SLC1A6: variants seen among roughly 807,000 people sequenced by gnomAD.
SLC1A6 encodes the protein solute carrier family 1 member 6.
In SLC1A6, 15 loss-of-function variants were observed where a neutral mutation model predicts 42.1. That is an observed-to-expected ratio of 0.36 (90% CI 0.24 to 0.55). The LOEUF (loss-of-function observed/expected upper bound fraction) is 0.55. Among genes scored for constraint, SLC1A6 ranks in the 20% least tolerant of loss-of-function variants. The probability of loss-of-function intolerance (pLI) is 0.88; values close to 1 mark genes in which losing one functional copy is unlikely to be tolerated. For missense variants in SLC1A6, 542 were observed against 772.5 expected (o/e 0.70, Z 3.54); for synonymous variants, 317 against 319.7 (o/e 0.99, Z 0.09).
In SLC1A6 at chr19:14,962,166, T is replaced by G. The variant is rs1599992049; in HGVS notation, c.771A>C (p.Val257=). The change falls in exon 6 of 10, where the codon GTA becomes GTC. Residue 257 remains valine, a synonymous_variant. Coordinates refer to ENST00000594383, the MANE Select transcript of SLC1A6 (RefSeq NM_005071.3). ...TGCCATTGGCGGAGCCAGGCACGGGTACAGTCTCCTCAAAGCTCAGCATCT... is the reference window on the plus strand; with the variant it reads ...TGCCATTGGCGGAGCCAGGCACGGGGACAGTCTCCTCAAAGCTCAGCATCT... ...LQEMLSFEET[V]PVPGSANGIN... 4.3e-6 allele frequency: 7 copies of G among 1,614,066 alleles called. No individual in the cohort carries two copies. Among genetic ancestry groups the G allele is most frequent in the Non-Finnish European group, 4.2e-6 (5 of 1,180,012 alleles).
chr19:15,008,794 G>A (rs1241090194), intron 1 of SLC1A6, among the ~76,000 whole-genome samples: 2 of 151,480 alleles, frequency 1.3e-5, no homozygotes, highest in Non-Finnish European at 2.9e-5. Context: ...AACCAACCTG[G>A]GTAACATGGC....
intron 3 of SLC1A6, among the ~76,000 whole-genome samples, chr19:14,971,056 G>A (rs1048866852): frequency 2.0e-5 from 3 of 152,112 alleles, no homozygotes; most frequent in Admixed American, 6.5e-5. Flanking sequence ...CTTGAACCTG[G>A]GAGGTGGAGA....
At chr19:14,975,623 A>T (rs1458703227) in intron 1 of SLC1A6, among the ~76,000 whole-genome samples, 1 of 151,690 alleles carries the variant, frequency 6.6e-6, no homozygotes, top group African/African-American at 2.4e-5. Context: ...GATGTGTCAC[A>T]CGCCTGTAAT....
intron 6 of SLC1A6, among the ~76,000 whole-genome samples, chr19:14,960,690 T>G (rs1478129443): frequency 6.6e-6 from 1 of 152,100 alleles, no homozygotes; most frequent in Admixed American, 6.6e-5. Flanking sequence ...AAATACCACA[T>G]GATCTCACTT....
At chr19:15,002,192 C>G (rs1208514414) in intron 1 of SLC1A6, among the ~76,000 whole-genome samples, 1 of 152,102 alleles carries the variant, frequency 6.6e-6, no homozygotes, top group Admixed American at 6.6e-5. Context: ...TGGGCTCAAG[C>G]GATCCTCCCA....
intron 7 of SLC1A6, among the ~76,000 whole-genome samples, chr19:14,955,867 G>A (rs4393693): frequency 0.55 from 82,579 of 151,368 alleles, 22,721 homozygotes; most frequent in South Asian, 0.67. Flanking sequence ...CCTAAGAGGC[G>A]GAGCTTGCAG....
chr19:14,959,490 AAATTT>A (rs2045490341), intron 6 of SLC1A6, among the ~76,000 whole-genome samples: 1 of 152,240 alleles, frequency 6.6e-6, no homozygotes. Flanking sequence ...TGAGATAATT[AAATTT>A]ATGTTTGAGT....
At chr19:14,999,889 C>T (rs1204698753) in intron 1 of SLC1A6, among the ~76,000 whole-genome samples, 1 of 152,056 alleles carries the variant, frequency 6.6e-6, no homozygotes, top group Non-Finnish European at 1.5e-5. Context: ...TACATGTGCA[C>T]AACATGCTGG....
At chr19:14,995,441 TTGA>T (rs2045841550) in intron 1 of SLC1A6, among the ~76,000 whole-genome samples, 3 of 150,392 alleles carry the variant, frequency 2.0e-5, no homozygotes, top group South Asian at 2.1e-4. Context: ...CCTTGGGTGG[TTGA>T]GGAGATGTTG....
chr19:14,993,458 A>T (rs1230408374), intron 1 of SLC1A6, among the ~76,000 whole-genome samples: 1 of 152,134 alleles, frequency 6.6e-6, no homozygotes, highest in Non-Finnish European at 1.5e-5. Flanking sequence ...TTTATAATTT[A>T]AAAAAATCAA....
chr19:14,991,870 C>T (rs1036367468), intron 1 of SLC1A6, among the ~76,000 whole-genome samples: 2 of 149,810 alleles, frequency 1.3e-5, no homozygotes, highest in African/African-American at 4.9e-5. Flanking sequence ...GGGAGTCTTG[C>T]TCTGTCACGC....
chr19:14,986,150 T>C (rs2045791564), intron 1 of SLC1A6, among the ~76,000 whole-genome samples: 1 of 151,488 alleles, frequency 6.6e-6, no homozygotes, highest in African/African-American at 2.4e-5. Flanking sequence ...CTTCTGTGTG[T>C]AGAAAAATTT....
At chr19:15,005,089 T>C (rs1424792172) in intron 1 of SLC1A6, among the ~76,000 whole-genome samples, 1 of 151,960 alleles carries the variant, frequency 6.6e-6, no homozygotes, top group African/African-American at 2.4e-5. Flanking sequence ...CAAGATCGTG[T>C]CTCTACAAAA....
intron 8 of SLC1A6, 114 bp downstream of exon 8, chr19:14,954,021 C>T (rs2045437445): frequency 6.7e-6 from 6 of 898,500 alleles, no homozygotes; most frequent in Admixed American, 5.1e-5. Context: ...TTCCAACATC[C>T]GTGGGCTCCT....
rs34189680 is a variant in SLC1A6, at chr19:14,986,101, A to AT, written c.7-13185dup. Among the ~76,000 whole-genome samples, 450 of 145,908 alleles carry AT rather than the reference A, an allele frequency of 3.1e-3. 2 individuals are homozygous for AT. Among genetic ancestry groups the AT allele is most frequent in the African/African-American group, 6.9e-3 (274 of 39,692 alleles). ...AATTCAAACACTCACACAAGCAGTA[A>AT]TTTTTTTTTTTTTTGTCTTGGAGAC... On this transcript the variant is annotated intron_variant, in intron 1 of 8. Coordinates refer to the SLC1A6 transcript ENST00000430939.
At chr19:14,983,951 A>G (rs2045780566), upstream of SLC1A6, among the ~76,000 whole-genome samples, 1 of 152,134 alleles carries the variant, frequency 6.6e-6, no homozygotes, top group African/African-American at 2.4e-5. Flanking sequence ...AGGTGCTTAC[A>G]GAAACTAAAT....
In SLC1A6 at chr19:14,993,011, C is replaced by T. The variant is rs546913262; in HGVS notation, c.6+17474G>A. Among the ~76,000 whole-genome samples the T allele has an allele frequency of 2.2e-4, 34 of 152,240 alleles. No individual in the cohort carries two copies. In the East Asian group the frequency reaches 6.2e-3, roughly 28 times the overall value. On this transcript the variant is annotated intron_variant, in intron 1 of 8. Transcript: ENST00000430939. ...CATTATCGGCTAACAGCTTCCCCACCGTTCCCAGGGCCCCAGAGGGAGCAG... is the reference window on the plus strand; with the variant it reads ...CATTATCGGCTAACAGCTTCCCCACTGTTCCCAGGGCCCCAGAGGGAGCAG...
At chr19:14,978,672 CAG>C (rs1013017044) in intron 1 of SLC1A6, among the ~76,000 whole-genome samples, 34 of 151,628 alleles carry the variant, frequency 2.2e-4, no homozygotes, top group African/African-American at 8.0e-4. Context: ...ATTCTGCACA[CAG>C]ACACACTCAC....
chr19:14,969,448 G>C (rs997354883), intron 3 of SLC1A6, among the ~76,000 whole-genome samples: 3 of 152,210 alleles, frequency 2.0e-5, no homozygotes, highest in African/African-American at 7.2e-5. Context: ...TTTGATTCAG[G>C]TGGCAGTAGA....
Sources: gnomAD v4.1 joint callset for allele counts (sites outside exome capture counted in the v4.1 genomes callset) on GRCh38, gnomAD v4.1.1 for gene constraint, MANE v1.5 for transcripts, NCBI Gene and HGNC (gene_info 2026-07-23, HGNC 2026-07-21) for gene names.